ARHGAP10: variants seen among roughly 807,000 people sequenced by gnomAD.
ARHGAP10 encodes Rho GTPase activating protein 10, also known as rho GTPase-activating protein 10.
A neutral mutation model predicts 108.6 loss-of-function variants in ARHGAP10; 87 were observed. That is an observed-to-expected ratio of 0.80 (90% CI 0.67 to 0.96). ARHGAP10 has a LOEUF of 0.96. Ranked by LOEUF, ARHGAP10 falls within the 40% of genes least tolerant of loss-of-function variation. ARHGAP10 has a pLI of 0.00. For missense variants in ARHGAP10, 939 were observed against 954.5 expected, an observed-to-expected ratio of 0.98 and a Z score of 0.21; for synonymous variants, 347 against 341.1, an observed-to-expected ratio of 1.02 and a Z score of -0.19.
chr4:148,008,132 TAC>T (rs1211868553), intron 18 of ARHGAP10, among the ~76,000 whole-genome samples: 1 of 152,210 alleles, frequency 6.6e-6, no homozygotes, highest in East Asian at 1.9e-4. Context: ...TCCTGAGGCA[TAC>T]AGTCTCCATT....
At chr4:147,861,149 C>G (rs540643627) in intron 5 of ARHGAP10, 1 of 152,160 alleles carries the variant, frequency 6.6e-6, no homozygotes, top group African/African-American at 2.4e-5. Flanking sequence ...CACGGAGTGG[C>G]GAGGAGTTCG....
At chr4:147,867,212 A>G (rs998008563) in intron 7 of ARHGAP10, among the ~76,000 whole-genome samples, 2 of 152,122 alleles carry the variant, frequency 1.3e-5, no homozygotes, top group Non-Finnish European at 2.9e-5. Context: ...TCTTCCCTAC[A>G]TTTTATGCAT....
chr4:148,020,790 G>A lies in ARHGAP10; in HGVS notation c.1717-2473G>A, dbSNP rs184741486. Among the ~76,000 whole-genome samples the A allele has an allele frequency of 3.1e-4, 47 of 152,142 alleles. No individual in the cohort carries two copies. The East Asian group carries it at 3.3e-3, about 11-fold the overall frequency. ...GTATCTTTATAACAGAATGATTTGC[G>A]TTCCTTTGGGTATATACCCAGTAAT... On this transcript the variant is annotated intron_variant, in intron 18 of 22. Transcript: ENST00000336498.
intron 18 of ARHGAP10, among the ~76,000 whole-genome samples, chr4:147,994,598 G>A (rs140716288): frequency 1.2e-4 from 19 of 152,194 alleles, no homozygotes; most frequent in African/African-American, 3.9e-4. Flanking sequence ...AATGTAGATC[G>A]TAATCTCAAT....
At chr4:147,732,838 C>T (rs954738259) in intron 1 of ARHGAP10, among the ~76,000 whole-genome samples, 2 of 152,188 alleles carry the variant, frequency 1.3e-5, no homozygotes, top group Non-Finnish European at 2.9e-5. Context: ...CTTACAAAAC[C>T]GAGGCATCTG....
intron 7 of ARHGAP10, among the ~76,000 whole-genome samples, chr4:147,873,877 A>G (rs1176130182): frequency 8.9e-6 from 1 of 112,200 alleles, no homozygotes; most frequent in Non-Finnish European, 1.6e-5. Flanking sequence ...CCTGTCTTTA[A>G]AAAAAAAAAA....
intron 12 of ARHGAP10, among the ~76,000 whole-genome samples, chr4:147,911,099 C>T (rs4835469): frequency 0.69 from 105,273 of 151,738 alleles, 43,127 homozygotes; most frequent in Non-Finnish European, 0.91. Flanking sequence ...ATTGCAGAGA[C>T]GTTAAAACAT....
At chr4:147,734,246 C>T (rs867572972) in intron 1 of ARHGAP10, among the ~76,000 whole-genome samples, 1 of 152,264 alleles carries the variant, frequency 6.6e-6, no homozygotes, top group South Asian at 2.1e-4. Context: ...AAAGCTATTT[C>T]TGTGACAGCA....
At chr4:147,740,567 T>C (rs1728616392) in intron 1 of ARHGAP10, among the ~76,000 whole-genome samples, 1 of 152,180 alleles carries the variant, frequency 6.6e-6, no homozygotes, top group African/African-American at 2.4e-5. Flanking sequence ...CTGGGGCCAT[T>C]ATTATAATTT....
intron 18 of ARHGAP10, among the ~76,000 whole-genome samples, chr4:148,008,733 T>C (rs1374050667): frequency 6.6e-6 from 1 of 152,156 alleles, no homozygotes. Flanking sequence ...TGGGGTCACC[T>C]GAGACCTTTT....
At position 147,875,155 on chromosome 4, in the gene ARHGAP10, G is replaced by C; in HGVS notation, c.832+5G>C. ...ACCTGTATGTCCAGGAAAAAAGTAA[G>C]AGGCCCTCCAGCAGTGGCTGCGTGG... On this transcript the variant is annotated splice_donor_5th_base_variant and intron_variant, in intron 8 of 22. Transcript: ENST00000336498. 1 of 1,570,734 alleles carries C rather than the reference G, an allele frequency of 6.4e-7. No individual in the cohort carries two copies. Among genetic ancestry groups the C allele is most frequent in the Non-Finnish European group, 8.6e-7 (1 of 1,166,554 alleles).
At chr4:147,899,563 T>A in intron 10 of ARHGAP10, among the ~76,000 whole-genome samples, 1 of 152,200 alleles carries the variant, frequency 6.6e-6, no homozygotes, top group East Asian at 1.9e-4. Flanking sequence ...TCTCTAATGA[T>A]TAATTGCTTG....
chr4:147,845,447 C>T (rs980830654), intron 3 of ARHGAP10, among the ~76,000 whole-genome samples: 3 of 152,112 alleles, frequency 2.0e-5, no homozygotes, highest in Admixed American at 6.5e-5. Context: ...CTGTTTATCT[C>T]GTAAAATAGA....
intron 18 of ARHGAP10, among the ~76,000 whole-genome samples, chr4:147,994,011 G>T (rs376496410): frequency 1.5e-4 from 23 of 152,292 alleles, no homozygotes; most frequent in African/African-American, 4.3e-4. Flanking sequence ...TTGGAGAGCT[G>T]AAATTAACTT....
At chr4:147,917,604 AAGG>A (rs1429209225) in intron 13 of ARHGAP10, among the ~76,000 whole-genome samples, 51 of 152,354 alleles carry the variant, frequency 3.3e-4, no homozygotes, top group African/African-American at 1.1e-3. Flanking sequence ...AGCATAAACA[AAGG>A]AGATCATTTT....
chr4:147,949,029 CT>C (rs1258385167), intron 15 of ARHGAP10, among the ~76,000 whole-genome samples: 1 of 151,578 alleles, frequency 6.6e-6, no homozygotes, highest in African/African-American at 2.4e-5. Flanking sequence ...TATATTCTTT[CT>C]GTTGTTTCCC....
intron 1 of ARHGAP10, among the ~76,000 whole-genome samples, chr4:147,772,882 T>G (rs908091328): frequency 6.6e-6 from 1 of 152,130 alleles, no homozygotes; most frequent in Non-Finnish European, 1.5e-5. Context: ...AGCTGTCGTA[T>G]CTCTTAGTAT....
rs187806077 is a variant in ARHGAP10 at position 147,931,070 on chromosome 4, C to T, written c.1229-8755C>T. 2.5e-3 allele frequency among the ~76,000 whole-genome samples: 381 copies of T among 152,284 alleles called. 1 individual carries two copies. Among genetic ancestry groups the T allele is most frequent in the African/African-American group, 8.4e-3 (350 of 41,562 alleles). ...CAGCTGAGCAGAGATGATGATGAAA[C>T]TTGACTGCTTCCCACTTTTTGACCC... is the stretch of plus-strand genomic sequence containing the variant. On this transcript the variant is annotated intron_variant, in intron 13 of 22. Coordinates refer to ENST00000336498, the MANE Select transcript of ARHGAP10 (RefSeq NM_024605.4).
chr4:147,875,713 A>G (rs924642520), intron 8 of ARHGAP10, among the ~76,000 whole-genome samples: 4 of 152,212 alleles, frequency 2.6e-5, no homozygotes, highest in African/African-American at 4.8e-5. Flanking sequence ...AAGATTGCAG[A>G]TGGTGATAAA....
Sources: allele counts gnomAD v4.1 joint callset (sites outside exome capture counted in the v4.1 genomes callset), GRCh38; gene constraint gnomAD v4.1.1; transcripts MANE v1.5; gene names NCBI Gene and HGNC (gene_info 2026-07-23, HGNC 2026-07-21).